Variants in GALNTL6 observed in about 807,000 individuals in gnomAD.
GALNTL6 encodes the protein polypeptide N-acetylgalactosaminyltransferase-like 6.
A neutral mutation model predicts 73.7 loss-of-function variants in GALNTL6; 46 were observed. The ratio of observed to expected loss-of-function variants is 0.62; its 90% CI spans 0.49 to 0.80. The LOEUF is 0.80. GALNTL6 is among the 30% of genes least tolerant of loss of function. GALNTL6 has a pLI of 0.00. For missense variants in GALNTL6, 604 were observed against 755.0 expected (o/e 0.80, Z 2.34); for synonymous variants, 259 against 263.7 (o/e 0.98, Z 0.17).
intron 2 of GALNTL6, among the ~76,000 whole-genome samples, chr4:171,870,110 G>A (rs1464506752): frequency 6.6e-6 from 1 of 152,134 alleles, no homozygotes; most frequent in African/African-American, 2.4e-5. Flanking sequence ...GATCATGCAG[G>A]ACGTATTCGC....
Position 171,859,983 on chromosome 4 carries a change from A to G in GALNTL6, c.138+45265A>G, listed in dbSNP as rs1345906283. ...ATTATATTCCCAGGGCTCTGAGGTTATCTCCAAGGAGCTGGCCAAAATTCA... is the reference window on the plus strand; with the variant it reads ...ATTATATTCCCAGGGCTCTGAGGTTGTCTCCAAGGAGCTGGCCAAAATTCA... On this transcript the variant is annotated intron_variant, in intron 2 of 12. Coordinates refer to ENST00000506823, the MANE Select transcript of GALNTL6 (RefSeq NM_001034845.3). Among the ~76,000 whole-genome samples, 5 of 152,248 alleles carry G rather than the reference A, an allele frequency of 3.3e-5. No homozygotes were observed. In the South Asian group the frequency reaches 8.3e-4, roughly 25 times the overall value.
At chr4:172,858,225 T>G (rs556480966) in intron 7 of GALNTL6, among the ~76,000 whole-genome samples, 5 of 152,278 alleles carry the variant, frequency 3.3e-5, no homozygotes, top group Admixed American at 6.5e-5. Context: ...TTTCACTGTA[T>G]GCCAACTTTA....
At chr4:172,188,911 G>A (rs1472962604) in intron 2 of GALNTL6, among the ~76,000 whole-genome samples, 2 of 152,204 alleles carry the variant, frequency 1.3e-5, no homozygotes, top group South Asian at 2.1e-4. Flanking sequence ...AACTGAGCAA[G>A]TTAGAAAGTA....
chr4:172,863,703 A>G (rs1744513527), intron 7 of GALNTL6, among the ~76,000 whole-genome samples: 1 of 152,202 alleles, frequency 6.6e-6, no homozygotes, highest in African/African-American at 2.4e-5. Flanking sequence ...TTTTGAGTTA[A>G]TGCTGTGAAC....
chr4:172,439,615 G>A lies in GALNTL6; in HGVS notation c.553+90926G>A, dbSNP rs370917398. On this transcript the variant is annotated intron_variant, in intron 5 of 12. Coordinates refer to ENST00000506823, the MANE Select transcript of GALNTL6 (RefSeq NM_001034845.3). Reference sequence around the variant, plus strand: ...GCTTGAAATACCATGTAAACTCAATGATTCCAAAATTTTTATGTTCAACCC... The same window carrying A: ...GCTTGAAATACCATGTAAACTCAATAATTCCAAAATTTTTATGTTCAACCC... Among the ~76,000 whole-genome samples the A allele has an allele frequency of 9.8e-4, 149 of 151,668 alleles. 4 individuals are homozygous for A. In the South Asian group the frequency reaches 0.03, roughly 31 times the overall value.
At chr4:172,962,287 C>T (rs944317673) in intron 10 of GALNTL6, among the ~76,000 whole-genome samples, 2 of 152,166 alleles carry the variant, frequency 1.3e-5, no homozygotes, top group Non-Finnish European at 2.9e-5. Flanking sequence ...GATATGATGG[C>T]TTAGCTTTGG....
intron 3 of GALNTL6, among the ~76,000 whole-genome samples, chr4:172,246,629 A>G (rs1737669552): frequency 6.6e-6 from 1 of 152,026 alleles, no homozygotes; most frequent in East Asian, 1.9e-4. Context: ...TCACACTTAC[A>G]ACAAAAATTT....
intron 2 of GALNTL6, among the ~76,000 whole-genome samples, chr4:171,988,199 T>C (rs973335504): frequency 4.6e-5 from 7 of 152,174 alleles, no homozygotes; most frequent in Admixed American, 2.0e-4. Context: ...CTGGCTCTTG[T>C]GTAAGAATTC....
intron 3 of GALNTL6, among the ~76,000 whole-genome samples, chr4:172,246,793 C>A (rs938673113): frequency 6.8e-6 from 1 of 147,488 alleles, no homozygotes; most frequent in Admixed American, 6.8e-5. Context: ...ATATATGAAG[C>A]CAGGCGATTT....
At position 172,851,465 on chromosome 4, in the gene GALNTL6, CAT is replaced by C. The variant is rs923538642; in HGVS notation, c.924-31316_924-31315del. ...CACACATATATATCACGCATATATA[CAT>C]ATATATATCATTATTTCACAATATA... On this transcript the variant is annotated intron_variant, in intron 7 of 12. Transcript: ENST00000506823. 5.9e-5 allele frequency among the ~76,000 whole-genome samples: 9 copies of C among 151,680 alleles called. 1 individual carries two copies. The South Asian group carries it at 1.0e-3, about 18-fold the overall frequency.
chr4:172,005,049 A>G (rs1740794130), intron 2 of GALNTL6, among the ~76,000 whole-genome samples: 1 of 152,262 alleles, frequency 6.6e-6, no homozygotes, highest in Non-Finnish European at 1.5e-5. Flanking sequence ...CACAAATTGT[A>G]CTTTTAATAT....
chr4:172,059,203 A>G (rs1731117707), intron 2 of GALNTL6, among the ~76,000 whole-genome samples: 2 of 152,300 alleles, frequency 1.3e-5, no homozygotes, highest in African/African-American at 4.8e-5. Context: ...TGTGTTCTCT[A>G]TGAGAAGGAA....
chr4:172,938,886 A>T (rs1748765673), intron 9 of GALNTL6, among the ~76,000 whole-genome samples: 1 of 152,224 alleles, frequency 6.6e-6, no homozygotes, highest in South Asian at 2.1e-4. Flanking sequence ...ACTTTCTCTA[A>T]TTCTTCCTTA....
At chr4:172,880,988 G>A (rs139124970) in intron 7 of GALNTL6, among the ~76,000 whole-genome samples, 93 of 152,228 alleles carry the variant, frequency 6.1e-4, no homozygotes, top group African/African-American at 2.0e-3. Flanking sequence ...GGTGGTTCTA[G>A]TTTTGAGATT....
At chr4:172,046,099 A>G (rs1313135657) in intron 2 of GALNTL6, among the ~76,000 whole-genome samples, 1 of 152,032 alleles carries the variant, frequency 6.6e-6, no homozygotes, top group Non-Finnish European at 1.5e-5. Context: ...TCATTCATTG[A>G]TGGACATTTG....
At chr4:171,919,380 C>T (rs994912197) in intron 2 of GALNTL6, among the ~76,000 whole-genome samples, 3 of 152,058 alleles carry the variant, frequency 2.0e-5, no homozygotes, top group Admixed American at 2.0e-4. Context: ...CTGACACATG[C>T]TCATCCCCCA....
At chr4:172,745,294 G>A (rs750905280) in intron 5 of GALNTL6, among the ~76,000 whole-genome samples, 4 of 151,860 alleles carry the variant, frequency 2.6e-5, no homozygotes, top group Admixed American at 6.6e-5. Flanking sequence ...TCTTGCTGCT[G>A]TGGGATATAG....
intron 5 of GALNTL6, among the ~76,000 whole-genome samples, chr4:172,357,107 T>C (rs1273166826): frequency 6.6e-6 from 1 of 152,118 alleles, no homozygotes; most frequent in East Asian, 1.9e-4. Context: ...AATTCCAGTC[T>C]CCATAATGGC....
chr4:172,337,136 C>T (rs1193106231), intron 4 of GALNTL6, among the ~76,000 whole-genome samples: 1 of 151,982 alleles, frequency 6.6e-6, no homozygotes, highest in Non-Finnish European at 1.5e-5. Context: ...TTTCTCCAAC[C>T]TTTCACTTTA....
Sources: allele counts gnomAD v4.1 joint callset (sites outside exome capture counted in the v4.1 genomes callset), GRCh38; gene constraint gnomAD v4.1.1; transcripts MANE v1.5; gene names NCBI Gene and HGNC (gene_info 2026-07-23, HGNC 2026-07-21).